MAPK9: variants seen among roughly 807,000 people sequenced by gnomAD.
MAPK9 encodes Jun kinase.
In MAPK9, 30 loss-of-function variants were observed where a neutral mutation model predicts 57.1. The observed-to-expected ratio is 0.53, with a 90% CI of 0.39 to 0.71. MAPK9 has a LOEUF of 0.71. Among genes scored for constraint, MAPK9 ranks in the 30% least tolerant of loss-of-function variants. The pLI, the probability that MAPK9 is intolerant of heterozygous loss-of-function variation, is 0.00. For synonymous variants in MAPK9, 155 were observed against 177.0 expected, an observed-to-expected ratio of 0.88 and a Z score of 0.99; for missense variants, 362 against 521.0, an observed-to-expected ratio of 0.69 and a Z score of 2.97.
At chr5:180,263,648 C>CT (rs1212781068) in intron 4 of MAPK9, among the ~76,000 whole-genome samples, 1 of 151,776 alleles carries the variant, frequency 6.6e-6, no homozygotes, top group African/African-American at 2.4e-5. Flanking sequence ...GTCCTGAGCG[C>CT]TGTCTGTTCC....
chr5:180,259,751 G>T (rs949593560), intron 5 of MAPK9, among the ~76,000 whole-genome samples: 1 of 152,188 alleles, frequency 6.6e-6, no homozygotes, highest in African/African-American at 2.4e-5. Flanking sequence ...TTGCAATGTG[G>T]TGAAGTCTTC....
At chr5:180,277,281 C>T (rs1249389721) in intron 2 of MAPK9, among the ~76,000 whole-genome samples, 2 of 152,208 alleles carry the variant, frequency 1.3e-5, no homozygotes, top group Non-Finnish European at 2.9e-5. Flanking sequence ...GCATCTTATG[C>T]CTCAAGAGGT....
intron 3 of MAPK9, among the ~76,000 whole-genome samples, chr5:180,267,669 A>C: frequency 6.6e-6 from 1 of 152,076 alleles, no homozygotes; most frequent in Non-Finnish European, 1.5e-5. Flanking sequence ...GTTTAAGATC[A>C]GCCTAGACAA....
At chr5:180,239,283 CGCTGAGGCCAGTGAGCATTG>C (rs1452571846) in intron 10 of MAPK9, among the ~76,000 whole-genome samples, 1 of 152,220 alleles carries the variant, frequency 6.6e-6, no homozygotes, top group Non-Finnish European at 1.5e-5. Flanking sequence ...TGCAAGCATT[CGCTGAGGCCAGTGAGCATTG>C]ACTGAGGCCA....
intron 5 of MAPK9, among the ~76,000 whole-genome samples, chr5:180,261,226 G>C (rs924060396): frequency 2.6e-5 from 4 of 152,144 alleles, no homozygotes; most frequent in African/African-American, 9.7e-5. Flanking sequence ...ATGGATATGT[G>C]GGTCATTATT....
At chr5:180,268,996 G>A (rs940809285) in intron 3 of MAPK9, among the ~76,000 whole-genome samples, 24 of 151,038 alleles carry the variant, frequency 1.6e-4, no homozygotes, top group South Asian at 1.3e-3. Flanking sequence ...AAAATTAGCC[G>A]GGCGTGGTGG....
chr5:180,279,976 G>A (rs937057395), intron 2 of MAPK9: 3 of 456,608 alleles, frequency 6.6e-6, no homozygotes, highest in African/African-American at 6.0e-5. Flanking sequence ...TCCATGGAGT[G>A]ACAATGACAC....
chr5:180,255,706 T>C (rs1759208946), intron 5 of MAPK9, among the ~76,000 whole-genome samples: 1 of 152,074 alleles, frequency 6.6e-6, no homozygotes, highest in Admixed American at 6.5e-5. Context: ...TCCACCAGCC[T>C]GGGAGGAGGG....
chr5:180,278,427 C>T (rs1026142434), intron 2 of MAPK9, among the ~76,000 whole-genome samples: 3 of 152,232 alleles, frequency 2.0e-5, no homozygotes, highest in Non-Finnish European at 4.4e-5. Flanking sequence ...GTAGGCCGGG[C>T]GCAGTGGCTC....
intron 5 of MAPK9, among the ~76,000 whole-genome samples, chr5:180,253,146 G>A (rs1758888471): frequency 6.6e-6 from 1 of 152,232 alleles, no homozygotes; most frequent in Admixed American, 6.5e-5. Context: ...CAGGGATGCT[G>A]AGGCAGGCCC....
intron 2 of MAPK9, 34 bp downstream of exon 2, chr5:180,280,406 C>T (rs1762220251): frequency 6.3e-7 from 1 of 1,589,486 alleles, no homozygotes. Context: ...ACAGCAAAAA[C>T]TCAATCCACG....
chr5:180,267,305 T>C (rs1437175293), intron 3 of MAPK9, among the ~76,000 whole-genome samples: 2 of 152,104 alleles, frequency 1.3e-5, no homozygotes, highest in Admixed American at 6.5e-5. Flanking sequence ...CTCACGCCTG[T>C]AATCCCAGCA....
At chr5:180,271,101 G>A (rs534449961) in intron 2 of MAPK9, among the ~76,000 whole-genome samples, 10 of 152,130 alleles carry the variant, frequency 6.6e-5, no homozygotes, top group African/African-American at 2.2e-4. Flanking sequence ...ATGTTAATTC[G>A]CTCAATTTAG....
chr5:180,240,482 C>T (rs1156827778), intron 9 of MAPK9, among the ~76,000 whole-genome samples: 2 of 152,214 alleles, frequency 1.3e-5, no homozygotes, highest in African/African-American at 4.8e-5. Flanking sequence ...AAACCACAGG[C>T]CATGACATAA....
At chr5:180,280,701 A>T in intron 1 of MAPK9, 93 bp from the exon 2 acceptor site, 1 of 976,590 alleles carries the variant, frequency 1.0e-6, no homozygotes, top group Non-Finnish European at 1.4e-6. Flanking sequence ...ATGTAAGACA[A>T]TGTGGCTGTA....
intron 2 of MAPK9, among the ~76,000 whole-genome samples, chr5:180,277,854 C>T (rs969290489): frequency 3.4e-4 from 51 of 152,098 alleles, no homozygotes; most frequent in African/African-American, 1.2e-3. Flanking sequence ...TACTTGGTGC[C>T]TCATAGCCTG....
At chr5:180,237,695 C>T (rs373699370) in intron 11 of MAPK9, 1 of 152,238 alleles carries the variant, frequency 6.6e-6, no homozygotes, top group Non-Finnish European at 1.5e-5. Flanking sequence ...ATGCTTATAA[C>T]AAAGTTCAGT....
intron 1 of MAPK9, among the ~76,000 whole-genome samples, chr5:180,283,466 C>T (rs1762482317): frequency 6.6e-6 from 1 of 152,160 alleles, no homozygotes; most frequent in Admixed American, 6.5e-5. Context: ...CATTCAGGAC[C>T]CCGTGTCCAC....
At chr5:180,241,304 A>AT (rs568488906) in intron 8 of MAPK9, 149 bp from the exon 9 acceptor site, 29,277 of 522,440 alleles carry the variant, frequency 0.056, no homozygotes, top group South Asian at 0.07. Flanking sequence ...ATAACCCAAA[A>AT]TTTTTTTTTT....
Sources: allele counts gnomAD v4.1 joint callset (sites outside exome capture counted in the v4.1 genomes callset), GRCh38; gene constraint gnomAD v4.1.1; transcripts MANE v1.5; gene names NCBI Gene and HGNC (gene_info 2026-07-23, HGNC 2026-07-21).